Variants in USH2A observed in about 807,000 individuals in gnomAD.
USH2A encodes the protein usherin.
USH2A carries 443 observed loss-of-function variants against 538.9 expected under a neutral mutation model. The ratio of observed to expected loss-of-function variants is 0.82; its 90% CI spans 0.76 to 0.89. The LOEUF (loss-of-function observed/expected upper bound fraction) is 0.89, where lower values mean the gene tolerates loss of function less well. Among genes scored for constraint, USH2A ranks in the 40% least tolerant of loss-of-function variants. The pLI is 0.00. For synonymous variants in USH2A, 2,413 were observed against 2,273.5 expected (o/e 1.06, Z -1.75); for missense variants, 6,633 against 6,324.8 (o/e 1.05, Z -1.65).
intron 37 of USH2A, among the ~76,000 whole-genome samples, chr1:215,956,910 G>A (rs780261871): frequency 1.3e-5 from 2 of 152,102 alleles, no homozygotes; most frequent in Non-Finnish European, 2.9e-5. Context: ...AATCAGAAGT[G>A]TCAATACATT....
intron 32 of USH2A, among the ~76,000 whole-genome samples, chr1:216,011,825 G>T (rs1258764821): frequency 2.6e-5 from 4 of 151,816 alleles, no homozygotes; most frequent in South Asian, 2.1e-4. Context: ...AATTACCATT[G>T]TTCCTGGCCC....
intron 13 of USH2A, among the ~76,000 whole-genome samples, chr1:216,236,145 T>C (rs1294314387): frequency 6.6e-6 from 1 of 152,176 alleles, no homozygotes; most frequent in Non-Finnish European, 1.5e-5. Context: ...TTTCTCTTTT[T>C]TAAAACAATT....
In USH2A at chr1:216,057,380, A is replaced by G. The variant is rs2031013163; in HGVS notation, c.6050-8733T>C. 2.6e-5 allele frequency among the ~76,000 whole-genome samples: 4 copies of G among 152,286 alleles called. No individual in the cohort carries two copies. The South Asian group carries it at 8.3e-4, about 32-fold the overall frequency. Reference sequence around the variant, plus strand: ...AGTTTCTTTCAAGATTTACATTTAAAGAAATATTTTGTAGCCTGTAATGCC... The same window carrying G: ...AGTTTCTTTCAAGATTTACATTTAAGGAAATATTTTGTAGCCTGTAATGCC... On this transcript the variant is annotated intron_variant, in intron 30 of 71. Transcript: ENST00000307340.
At position 216,083,490 on chromosome 1, in the gene USH2A, A is replaced by G. The variant is rs1315503523; in HGVS notation, c.5264T>C (p.Phe1755Ser). ...ATCAGGTCCATCTTTGTTATAAACG[A>G]AAAGAAGCAATCCATTTAATTGGTC... The part of the protein sequence containing the change: ...RTDQLNGLLL[F>S]VYNKDGPDFL... Residue 1755 changes from phenylalanine to serine, a missense_variant, in exon 26 of 72, where the codon TTC becomes TCC. By Grantham distance (155) the Phe-to-Ser change is radical. Coordinates refer to ENST00000307340, the MANE Select transcript of USH2A (RefSeq NM_206933.4). The G allele has an allele frequency of 6.2e-7, 1 of 1,612,448 alleles. No homozygotes were observed. The highest frequency in any genetic ancestry group is 8.5e-7 in the Non-Finnish European group (1 of 1,179,204).
Position 215,879,034 on chromosome 1 carries a change from T to TCAGG in USH2A, c.8284_8287dup (p.Asp2763AlafsTer2). 1 of 1,614,054 alleles carries TCAGG rather than the reference T, an allele frequency of 6.2e-7. No homozygotes were observed. The highest frequency in any genetic ancestry group is 8.5e-7 in the Non-Finnish European group (1 of 1,179,960). ...CACATTGGTTAAAGTGATGTGAGGG[T>TCAGG]CAGGCATGTGAATCTCATAGCTAAG... On this transcript the variant is annotated stop_gained and frameshift_variant, in exon 42 of 72. Transcript: ENST00000307340. LOFTEE classifies it high-confidence loss of function.
At chr1:216,139,003 C>T (rs1376865136) in intron 21 of USH2A, among the ~76,000 whole-genome samples, 1 of 151,876 alleles carries the variant, frequency 6.6e-6, no homozygotes, top group Non-Finnish European at 1.5e-5. Flanking sequence ...GTTTCTATGT[C>T]CCACTCACAT....
chr1:216,258,851 C>G (rs183726275), intron 11 of USH2A, among the ~76,000 whole-genome samples: 1 of 152,148 alleles, frequency 6.6e-6, no homozygotes, highest in African/African-American at 2.4e-5. Context: ...CCTGACAAAA[C>G]AACTATAAAC....
At chr1:215,986,814 G>A (rs562092327) in intron 35 of USH2A, among the ~76,000 whole-genome samples, 15 of 152,140 alleles carry the variant, frequency 9.9e-5, no homozygotes, top group South Asian at 4.1e-4. Context: ...CCCTATCATC[G>A]GTAAATATTA....
rs150822759 is a variant in USH2A, at chr1:215,766,729, T to C, written c.10999A>G (p.Thr3667Ala). The C allele has an allele frequency of 1.9e-6, 3 of 1,613,660 alleles. No homozygotes were observed. Among genetic ancestry groups the C allele is most frequent in the Admixed American group, 3.3e-5 (2 of 59,996 alleles). The change falls in exon 56 of 72, where the codon ACT becomes GCT. Residue 3667 changes from threonine (T) to alanine (A), a missense_variant. Physicochemically the swap from Thr to Ala is moderately conservative, Grantham distance 58. Coordinates refer to ENST00000307340, the MANE Select transcript of USH2A (RefSeq NM_206933.4). Reference protein sequence around the residue: ...TLTACTSAGCTSSEPFLGQTL... With the variant: ...TLTACTSAGCASSEPFLGQTL... ...TGACCTAGAAAAGGCTCGCTTGAAG[T>C]GCACCCAGCAGATGTACAAGCTGTA...
intron 25 of USH2A, among the ~76,000 whole-genome samples, chr1:216,084,226 G>T (rs1218742216): frequency 1.3e-5 from 2 of 151,926 alleles, no homozygotes; most frequent in East Asian, 3.9e-4. Flanking sequence ...AGGGATGGTG[G>T]TTCTAGTCTC....
At chr1:215,741,691 T>C (rs1376202856) in intron 59 of USH2A, among the ~76,000 whole-genome samples, 154 bp from the exon 60 acceptor site, 2 of 152,224 alleles carry the variant, frequency 1.3e-5, no homozygotes, top group East Asian at 3.8e-4. Context: ...TTTTATGGGA[T>C]TTGAACATTT....
chr1:216,217,538 A>G lies in USH2A; in HGVS notation c.3006T>C (p.Cys1002=), dbSNP rs769694005. Residue 1002 remains cysteine, a synonymous_variant, in exon 15 of 72, where the codon TGT becomes TGC. Transcript: ENST00000307340. The part of the protein sequence containing the change: ...FDPQTGRCQP[C]NCHLSGALNE... The stretch of plus-strand genomic sequence containing the variant: ...TCAAGGCTCCTGAGAGATGACAATT[A>G]CAAGGCTGACATCTGAAAACAAGGC... 10 of 1,612,912 alleles carry G rather than the reference A, an allele frequency of 6.2e-6. No individual in the cohort carries two copies. In the Admixed American group the frequency reaches 1.5e-4, roughly 24 times the overall value.
intron 11 of USH2A, among the ~76,000 whole-genome samples, chr1:216,266,983 A>G (rs945237295): frequency 6.6e-6 from 1 of 151,836 alleles, no homozygotes; most frequent in East Asian, 1.9e-4. Flanking sequence ...TGGAAATATG[A>G]TTGTGAAATT....
At chr1:215,885,859 T>A (rs1370337189) in intron 41 of USH2A, among the ~76,000 whole-genome samples, 1 of 152,240 alleles carries the variant, frequency 6.6e-6, no homozygotes, top group Non-Finnish European at 1.5e-5. Context: ...ACTCTGCTCC[T>A]TGTATTATCC....
intron 60 of USH2A, among the ~76,000 whole-genome samples, 197 bp from the exon 61 acceptor site, chr1:215,728,581 T>TCACACACACACACA (rs1189155666): frequency 9.2e-5 from 2 of 21,704 alleles, no homozygotes; most frequent in African/African-American, 2.3e-4. Context: ...AAAGTGTAGT[T>TCACACACACACACA]GACACACACA....
At chr1:216,319,433 A>G (rs1382589164) in intron 9 of USH2A, among the ~76,000 whole-genome samples, 1 of 152,160 alleles carries the variant, frequency 6.6e-6, no homozygotes, top group African/African-American at 2.4e-5. Context: ...AGTTCTTCTA[A>G]AAGATTTTTC....
chr1:215,627,422 TTCCTTCCTTCC>T (rs1558027331), intron 71 of USH2A, among the ~76,000 whole-genome samples: 58 of 122,482 alleles, frequency 4.7e-4, no homozygotes, highest in African/African-American at 1.5e-3. Context: ...CCTTCCTTCC[TTCCTTCCTTCC>T]TTCCTTCCTT....
chr1:216,268,193 C>T (rs2036511196), intron 11 of USH2A, among the ~76,000 whole-genome samples: 1 of 152,024 alleles, frequency 6.6e-6, no homozygotes, highest in South Asian at 2.1e-4. Flanking sequence ...TAGAATTTCA[C>T]TTACTCCTGT....
At chr1:215,740,300 T>A (rs1660266413) in intron 60 of USH2A, among the ~76,000 whole-genome samples, 1 of 152,172 alleles carries the variant, frequency 6.6e-6, no homozygotes, top group Non-Finnish European at 1.5e-5. Context: ...GAAGACTAGA[T>A]CAGAGAGCAA....
Sources: allele counts gnomAD v4.1 joint callset (sites outside exome capture counted in the v4.1 genomes callset), GRCh38; gene constraint gnomAD v4.1.1; transcripts MANE v1.5; gene names NCBI Gene and HGNC (gene_info 2026-07-23, HGNC 2026-07-21).